Variants in NFIB observed in about 807,000 individuals in gnomAD.
The protein encoded by NFIB is nuclear factor 1 B-type.
In NFIB, 11 loss-of-function variants were observed where a neutral mutation model predicts 61.5. The observed-to-expected ratio is 0.18, with a 90% CI of 0.11 to 0.30. The LOEUF is 0.30. Ranked by LOEUF, NFIB falls within the 10% of genes least tolerant of loss-of-function variation. NFIB has a pLI of 1.00. For synonymous variants in NFIB, 260 were observed against 216.5 expected (o/e 1.20, Z -1.76); for missense variants, 471 against 608.9 (o/e 0.77, Z 2.38).
the NFIB span, among the ~76,000 whole-genome samples, chr9:14,444,847 T>G: frequency 6.6e-6 from 1 of 152,196 alleles, no homozygotes; most frequent in African/African-American, 2.4e-5. Context: ...TTGTGCACTA[T>G]CTGCCTTCTC....
chr9:14,381,411 G>T (rs1422307493), intron 1 of NFIB, among the ~76,000 whole-genome samples: 2 of 152,130 alleles, frequency 1.3e-5, no homozygotes, highest in Admixed American at 6.5e-5. Context: ...GGTTGGTCTT[G>T]AACTCCTGGG....
chr9:14,226,215 T>A (rs1398611297), intron 2 of NFIB, among the ~76,000 whole-genome samples: 1 of 152,054 alleles, frequency 6.6e-6, no homozygotes, highest in African/African-American at 2.4e-5. Flanking sequence ...TTGGATAACT[T>A]TTTTTTGGCT....
At chr9:14,452,800 G>A in the NFIB span, among the ~76,000 whole-genome samples, 4 of 152,272 alleles carry the variant, frequency 2.6e-5, no homozygotes, top group African/African-American at 9.6e-5. Flanking sequence ...ACTGTGCCCT[G>A]CTGATGACAG....
chr9:14,416,573 AG>A, the NFIB span, among the ~76,000 whole-genome samples: 2 of 152,126 alleles, frequency 1.3e-5, no homozygotes, highest in Non-Finnish European at 2.9e-5. Context: ...AATAATATAA[AG>A]AAAAAATTTT....
At chr9:14,167,182 G>A (rs574114478) in intron 3 of NFIB, among the ~76,000 whole-genome samples, 1 of 151,856 alleles carries the variant, frequency 6.6e-6, no homozygotes, top group Admixed American at 6.6e-5. Context: ...GAGGGTAGAC[G>A]AAACCTTTGG....
the NFIB span, among the ~76,000 whole-genome samples, chr9:14,410,440 A>G: frequency 6.6e-6 from 1 of 152,216 alleles, no homozygotes; most frequent in Non-Finnish European, 1.5e-5. Context: ...TGCAAAGGGC[A>G]GAGTAAACTA....
chr9:14,483,115 C>T, the NFIB span, among the ~76,000 whole-genome samples: 1 of 152,108 alleles, frequency 6.6e-6, no homozygotes, highest in African/African-American at 2.4e-5. Context: ...ATCATAACCT[C>T]CTGCTTAGGC....
chr9:14,390,320 T>G (rs1279503239), intron 1 of NFIB, among the ~76,000 whole-genome samples: 6 of 152,084 alleles, frequency 3.9e-5, no homozygotes, highest in African/African-American at 1.4e-4. Context: ...AAAATAAAAA[T>G]ACTTCCATAC....
intron 2 of NFIB, among the ~76,000 whole-genome samples, chr9:14,187,884 T>A (rs887790379): frequency 6.6e-6 from 1 of 152,132 alleles, no homozygotes; most frequent in African/African-American, 2.4e-5. Flanking sequence ...GCACAAAAAG[T>A]GTTAAACCTG....
intron 2 of NFIB, among the ~76,000 whole-genome samples, chr9:14,237,780 G>A (rs934898600): frequency 2.3e-4 from 20 of 86,096 alleles, no homozygotes; most frequent in Middle Eastern, 7.2e-3. Flanking sequence ...GTGTGTGTGT[G>A]TGTGTGTGTG....
intron 1 of NFIB, among the ~76,000 whole-genome samples, chr9:14,356,903 T>C (rs780945622): frequency 2.6e-5 from 4 of 152,234 alleles, no homozygotes; most frequent in Non-Finnish European, 5.9e-5. Flanking sequence ...TTTTTAAGGA[T>C]ATACACTGAT....
intron 2 of NFIB, among the ~76,000 whole-genome samples, chr9:14,202,120 G>T (rs1363369230): frequency 7.8e-6 from 1 of 127,600 alleles, no homozygotes; most frequent in Non-Finnish European, 1.7e-5. Flanking sequence ...AGATAAAATT[G>T]ATACTTTTCA....
chr9:14,271,680 A>G (rs934849383), intron 2 of NFIB, among the ~76,000 whole-genome samples: 3 of 152,266 alleles, frequency 2.0e-5, no homozygotes, highest in Admixed American at 1.3e-4. Flanking sequence ...AGATAACCAC[A>G]CTGCTGTTAC....
chr9:14,448,395 T>C, the NFIB span, among the ~76,000 whole-genome samples: 2 of 152,106 alleles, frequency 1.3e-5, no homozygotes, highest in African/African-American at 4.8e-5. Flanking sequence ...CCAAAAAAAA[T>C]TTTTATTTAA....
intron 1 of NFIB, among the ~76,000 whole-genome samples, chr9:14,395,591 C>G (rs751473467): frequency 6.6e-6 from 1 of 152,082 alleles, no homozygotes; most frequent in Non-Finnish European, 1.5e-5. Flanking sequence ...CGGCCCCGAT[C>G]TGTATGCAGC....
chr9:14,154,669 T>C (rs573728998), intron 4 of NFIB, among the ~76,000 whole-genome samples: 38 of 152,258 alleles, frequency 2.5e-4, no homozygotes, highest in African/African-American at 9.1e-4. Flanking sequence ...AGAAGTCTTT[T>C]GGGCATACAT....
At chr9:14,152,449 T>C (rs1040883363) in intron 4 of NFIB, among the ~76,000 whole-genome samples, 3 of 152,114 alleles carry the variant, frequency 2.0e-5, no homozygotes, top group African/African-American at 7.2e-5. Context: ...GTGGGGTACA[T>C]GCTAGAAGGA....
At chr9:14,438,713 C>T in the NFIB span, among the ~76,000 whole-genome samples, 5 of 152,228 alleles carry the variant, frequency 3.3e-5, no homozygotes, top group South Asian at 4.1e-4. Flanking sequence ...TTAACCTTTA[C>T]GATCTGGTGG....
chr9:14,411,694 A>G, the NFIB span, among the ~76,000 whole-genome samples: 15 of 151,990 alleles, frequency 9.9e-5, no homozygotes, highest in Non-Finnish European at 1.8e-4. Flanking sequence ...CCTAGACTGG[A>G]TGAGGATGAC....
Sources: allele counts gnomAD v4.1 joint callset (sites outside exome capture counted in the v4.1 genomes callset), GRCh38; gene constraint gnomAD v4.1.1; transcripts MANE v1.5; gene names NCBI Gene and HGNC (gene_info 2026-07-23, HGNC 2026-07-21).